The following FCRL2 variants were observed in gnomAD, a reference collection of about 807,000 sequenced individuals.
FCRL2 encodes Fc receptor like 2.
A neutral mutation model predicts 59.8 loss-of-function variants in FCRL2; 48 were observed. That is an observed-to-expected ratio of 0.80 (90% confidence interval 0.64 to 1.02). The LOEUF is 1.02. Ranked by LOEUF, FCRL2 falls within the 50% of genes least tolerant of loss-of-function variation. The pLI is 0.00. For missense variants in FCRL2, 658 were observed against 597.3 expected, an observed-to-expected ratio of 1.10 and a Z score of -1.06; for synonymous variants, 251 against 229.5, an observed-to-expected ratio of 1.09 and a Z score of -0.85.
At chr1:157,772,748 G>A (rs573691043) in intron 2 of FCRL2, among the ~76,000 whole-genome samples, 1 of 152,284 alleles carries the variant, frequency 6.6e-6, no homozygotes, top group African/African-American at 2.4e-5. Flanking sequence ...AAAAAAAGAG[G>A]AAGTATTTTT....
intron 7 of FCRL2, among the ~76,000 whole-genome samples, chr1:157,764,271 G>A (rs893858860): frequency 2.0e-5 from 3 of 151,896 alleles, no homozygotes; most frequent in Non-Finnish European, 2.9e-5. Context: ...AATCCAGCAA[G>A]AGAATATAGA....
At position 157,768,455 on chromosome 1, in the gene FCRL2, T is replaced by C. The variant is rs1649700012; in HGVS notation, c.842A>G (p.His281Arg). ...CACCACCTTGCTCTGGATAGGCACA[T>C]GGCCGTTGTCAGCTCTACAGTAATA... The part of the protein sequence containing the change: ...GKYYCRADNG[H>R]VPIQSKVVNI... The change falls in exon 5 of 12, where the codon CAT becomes CGT. Residue 281 changes from histidine to arginine, a missense_variant. His to Arg is a conservative substitution (Grantham distance 29). Coordinates refer to ENST00000361516, the MANE Select transcript of FCRL2 (RefSeq NM_030764.4). 3.1e-6 allele frequency: 5 copies of C among 1,614,114 alleles called. No individual in the cohort carries two copies. Among genetic ancestry groups the C allele is most frequent in the East Asian group, 2.2e-5 (1 of 44,900 alleles).
rs185343579 is a variant in FCRL2 at position 157,763,252 on chromosome 1, G to A, written c.1279+3603C>T. Among the ~76,000 whole-genome samples the A allele has an allele frequency of 8.7e-4, 133 of 152,306 alleles. 1 individual carries two copies. The highest frequency in any genetic ancestry group is 3.0e-3 in the African/African-American group (125 of 41,570). ...ACTTAAAATATATAGATGGGGTGCC[G>A]TGGCTCATGCCTGTAATCCCAGCAC... is the stretch of plus-strand genomic sequence containing the variant. On this transcript the variant is annotated intron_variant, in intron 7 of 11. Coordinates refer to ENST00000361516, the MANE Select transcript of FCRL2 (RefSeq NM_030764.4).
At chr1:157,758,695 A>AC (rs1648788496) in intron 7 of FCRL2, among the ~76,000 whole-genome samples, 1 of 151,336 alleles carries the variant, frequency 6.6e-6, no homozygotes, top group African/African-American at 2.4e-5. Context: ...AAAAAAAAAA[A>AC]AAAAAAACAA....
chr1:157,774,582 C>G, intron 2 of FCRL2: 2 of 403,202 alleles, frequency 5.0e-6, no homozygotes, highest in Non-Finnish European at 9.8e-6. Flanking sequence ...AGGTGATTCA[C>G]TTCAGGGAGC....
intron 7 of FCRL2, among the ~76,000 whole-genome samples, chr1:157,757,055 T>TTTTG (rs1214127820): frequency 2.6e-5 from 4 of 152,236 alleles, no homozygotes; most frequent in African/African-American, 9.6e-5. Flanking sequence ...GTATGCATTG[T>TTTTG]TTTGCAGTGT....
intron 9 of FCRL2, 75 bp downstream of exon 9, chr1:157,748,800 C>T: frequency 7.0e-7 from 1 of 1,432,842 alleles, no homozygotes; most frequent in Non-Finnish European, 9.8e-7. Context: ...ACACCACCCA[C>T]CTAATGGTCT....
chr1:157,760,769 AAAAG>A (rs1322031682), intron 7 of FCRL2, among the ~76,000 whole-genome samples: 1 of 143,520 alleles, frequency 7.0e-6, no homozygotes, highest in Non-Finnish European at 1.5e-5. Flanking sequence ...AAAGAATGAA[AAAAG>A]AAAGGAAGGA....
chr1:157,770,306 C>T (rs1335058620), intron 3 of FCRL2, 103 bp downstream of exon 3: 6 of 1,464,848 alleles, frequency 4.1e-6, no homozygotes, highest in South Asian at 1.3e-5. Flanking sequence ...CAAGCACTCC[C>T]GTCTATATTT....
intron 7 of FCRL2, among the ~76,000 whole-genome samples, chr1:157,754,196 G>A (rs1035252848): frequency 1.3e-5 from 2 of 152,188 alleles, no homozygotes; most frequent in South Asian, 2.1e-4. Flanking sequence ...TGAAATAGGA[G>A]GTCGGCACAA....
rs780934857 is a variant in FCRL2, at chr1:157,746,348, T to C, written c.*388A>G. On this transcript the variant is annotated 3_prime_UTR_variant, in exon 12 of 12. Transcript: ENST00000361516. ...ATTTGCAAAAATTCTCAACAAAATA[T>C]TAGCAAACTGTATCCAGCAGCACAT... The C allele has an allele frequency of 5.6e-6, 1 of 178,490 alleles. No homozygotes were observed. Among genetic ancestry groups the C allele is most frequent in the Non-Finnish European group, 1.2e-5 (1 of 85,384 alleles). 11.1% of individuals were successfully genotyped at this position (178,490 alleles called of 1,614,324 possible).
intron 6 of FCRL2, 77 bp from the exon 7 acceptor site, chr1:157,767,048 T>C: frequency 7.2e-7 from 1 of 1,388,470 alleles, no homozygotes; most frequent in Non-Finnish European, 1.0e-6. Context: ...ATAGGGATGT[T>C]AAATACAAAT....
At chr1:157,767,607 G>T (rs774386606) in intron 5 of FCRL2, 98 bp from the exon 6 acceptor site, 1 of 1,613,828 alleles carries the variant, frequency 6.2e-7, no homozygotes, top group Non-Finnish European at 8.5e-7. Flanking sequence ...TGGCCCCATG[G>T]CTGTTGCATA....
chr1:157,747,684 G>A lies in FCRL2; in HGVS notation c.1460-785C>T, dbSNP rs778451442. Among the ~76,000 whole-genome samples the A allele has an allele frequency of 2.0e-5, 3 of 152,172 alleles. No homozygotes were observed. In the East Asian group the frequency reaches 5.8e-4, roughly 29 times the overall value. On this transcript the variant is annotated intron_variant, in intron 10 of 11. Transcript: ENST00000361516. ...TACAGAACAAAGGACAGCTTTTAGG[G>A]TTGTTGATATAAGCATTGTAGTTTT...
At position 157,746,193 on chromosome 1, in the gene FCRL2, T is replaced by C. The variant is rs879171858; in HGVS notation, c.*543A>G. On this transcript the variant is annotated 3_prime_UTR_variant, in exon 12 of 12. Coordinates refer to ENST00000361516, the MANE Select transcript of FCRL2 (RefSeq NM_030764.4). ...TAACTGGTACCAATCCTGCTGAAAC[T>C]ATGCCAAAAAATCAAGGAGGAAGGG... The C allele has an allele frequency of 3.9e-5, 6 of 153,826 alleles. No individual in the cohort carries two copies. Among genetic ancestry groups the C allele is most frequent in the African/African-American group, 1.4e-4 (6 of 41,458 alleles). 9.5% of individuals were successfully genotyped at this position (153,826 alleles called of 1,614,324 possible).
rs1348876973 is a variant in FCRL2, at chr1:157,766,853, A to G, written c.1279+2T>C. On this transcript the variant is annotated splice_donor_variant, in intron 7 of 11. Transcript: ENST00000361516. LOFTEE classifies it high-confidence loss of function. ...ATGGAGAATCCAAATGGTAGATACA[A>G]CCTGATATCTTGTGGAACAAGGCAT... The G allele has an allele frequency of 1.9e-6, 3 of 1,614,078 alleles. No homozygotes were observed. The African/African-American group carries it at 4.0e-5, about 22-fold the overall frequency.
chr1:157,766,722 A>T lies in FCRL2; in HGVS notation c.1279+133T>A. 5 of 1,449,902 alleles carry T rather than the reference A, an allele frequency of 3.4e-6. No homozygotes were observed. The South Asian group carries it at 7.1e-5, about 21-fold the overall frequency. 89.8% of individuals were successfully genotyped at this position (1,449,902 alleles called of 1,614,324 possible). A position where few individuals can be genotyped will look rare whatever the true frequency, so the allele number is the denominator to read the frequency against. ...TGAGCATTGCACAGAGCCTTGCAGA[A>T]TTATGAAGCATAAAAAGAAATTATT... On this transcript the variant is annotated intron_variant, in intron 7 of 11. Coordinates refer to ENST00000361516, the MANE Select transcript of FCRL2 (RefSeq NM_030764.4).
rs913133864 is a variant in FCRL2, at chr1:157,746,630, T to G, written c.*106A>C. ...AGGAGGTGCCTCCTGAGGCACGTTC[T>G]GGCTGTGGCAGGTGATAAGCCTCAA... is the stretch of plus-strand genomic sequence containing the variant. On this transcript the variant is annotated 3_prime_UTR_variant, in exon 12 of 12. Transcript: ENST00000361516. 61 of 1,134,224 alleles carry G rather than the reference T, an allele frequency of 5.4e-5. No homozygotes were observed. The highest frequency in any genetic ancestry group is 7.9e-6 in the Non-Finnish European group (6 of 762,394). 70.3% of individuals were successfully genotyped at this position (1,134,224 alleles called of 1,614,324 possible). A position where few individuals can be genotyped will look rare whatever the true frequency, so the allele number is the denominator to read the frequency against.
rs575866781 is a variant in FCRL2 at position 157,748,633 on chromosome 1, C to T, written c.1394-15G>A. Reference sequence around the variant, plus strand: ...TACAGAGCCCACTGCAGGGAGAAGACAAGAGTTCACAGATGTTGGTGGCCC... The same window carrying T: ...TACAGAGCCCACTGCAGGGAGAAGATAAGAGTTCACAGATGTTGGTGGCCC... On this transcript the variant is annotated splice_polypyrimidine_tract_variant and intron_variant, in intron 9 of 11. Coordinates refer to ENST00000361516, the MANE Select transcript of FCRL2 (RefSeq NM_030764.4). The T allele has an allele frequency of 3.7e-5, 59 of 1,612,076 alleles. 2 individuals are homozygous for T. The South Asian group carries it at 6.4e-4, about 17-fold the overall frequency.
Sources: gnomAD v4.1 joint callset for allele counts (sites outside exome capture counted in the v4.1 genomes callset) on GRCh38, gnomAD v4.1.1 for gene constraint, MANE v1.5 for transcripts, NCBI Gene and HGNC (gene_info 2026-07-23, HGNC 2026-07-21) for gene names.